The following CDC73 variants were observed in gnomAD, a reference collection of about 807,000 sequenced individuals.
CDC73 encodes the protein cell division cycle 73.
CDC73 carries 21 observed loss-of-function variants against 83.7 expected under a neutral mutation model. The ratio of observed to expected loss-of-function variants is 0.25; its 90% CI spans 0.18 to 0.36. The LOEUF (loss-of-function observed/expected upper bound fraction) is 0.36. Ranked by LOEUF, CDC73 falls within the 10% of genes least tolerant of loss-of-function variation. The probability of loss-of-function intolerance (pLI) is 1.00; values close to 1 mark genes in which losing one functional copy is unlikely to be tolerated. For missense variants in CDC73, 342 were observed against 653.3 expected (o/e 0.52, Z 5.19); for synonymous variants, 224 against 212.9 (o/e 1.05, Z -0.45).
chr1:193,252,731 AT>A lies in CDC73; in HGVS notation c.*2025del, dbSNP rs947493749. 30 of 231,442 alleles carry A rather than the reference AT, an allele frequency of 1.3e-4. No individual in the cohort carries two copies. Among genetic ancestry groups the A allele is most frequent in the Admixed American group, 1.1e-3 (20 of 17,698 alleles). The allele number at this position is 231,442 out of a possible 1,614,324, so 14.3% of individuals were successfully genotyped here. ...TCCATGTAATTAATTTCATTCCATT[AT>A]TTTTTAGCTGTTTATTCTAAAAAAC... is the stretch of plus-strand genomic sequence containing the variant. On this transcript the variant is annotated 3_prime_UTR_variant, in exon 17 of 17. Transcript: ENST00000367435.
chr1:193,191,513 G>A (rs1224704191), intron 10 of CDC73, among the ~76,000 whole-genome samples: 6 of 151,978 alleles, frequency 3.9e-5, no homozygotes, highest in African/African-American at 9.7e-5. Flanking sequence ...TCAGCCACCC[G>A]AGTAGCTGGG....
chr1:193,212,261 A>G (rs1465522191), intron 12 of CDC73, 129 bp from the exon 13 acceptor site: 4 of 848,234 alleles, frequency 4.7e-6, no homozygotes, highest in Non-Finnish European at 7.4e-6. Flanking sequence ...ATTTTTTAAT[A>G]TCCACTGGCT....
chr1:193,135,294 T>C, intron 3 of CDC73, 97 bp from the exon 4 acceptor site: 1 of 970,554 alleles, frequency 1.0e-6, no homozygotes, highest in East Asian at 2.6e-5. Context: ...AATCACCATA[T>C]AGAAGTATAT....
rs1676085709 is a variant in CDC73, at chr1:193,150,452, G to A, written c.907+70G>A. On this transcript the variant is annotated intron_variant, in intron 9 of 16. Transcript: ENST00000367435. ...AACTTGAGAGGCAGTGTGGCCTGATGTTTAAGGGTAAGGGTTGGCAAAGTA... is the reference window on the plus strand; with the variant it reads ...AACTTGAGAGGCAGTGTGGCCTGATATTTAAGGGTAAGGGTTGGCAAAGTA... The A allele has an allele frequency of 6.4e-6, 7 of 1,101,570 alleles. No homozygotes were observed. The South Asian group carries it at 8.7e-5, about 14-fold the overall frequency. The allele number at this position is 1,101,570 out of a possible 1,614,324, so 68.2% of individuals were successfully genotyped here. A position where few individuals can be genotyped will look rare whatever the true frequency, so the allele number is the denominator to read the frequency against.
chr1:193,214,616 G>A (rs1677332035), intron 13 of CDC73, among the ~76,000 whole-genome samples: 1 of 152,206 alleles, frequency 6.6e-6, no homozygotes, highest in South Asian at 2.1e-4. Context: ...CTACATGGGA[G>A]GCTGAGGCAG....
intron 3 of CDC73, among the ~76,000 whole-genome samples, chr1:193,131,076 G>GT (rs1372750225): frequency 6.6e-5 from 10 of 151,720 alleles, no homozygotes; most frequent in Non-Finnish European, 1.0e-4. Flanking sequence ...AATTTCAAGT[G>GT]TTTTTTTCAG....
intron 13 of CDC73, among the ~76,000 whole-genome samples, chr1:193,214,043 A>C (rs112769618): frequency 1.3e-5 from 2 of 152,064 alleles, no homozygotes; most frequent in Non-Finnish European, 1.5e-5. Flanking sequence ...TTTTCCCTCT[A>C]CTTTAACCTT....
chr1:193,227,614 G>C (rs2102053191), intron 13 of CDC73, among the ~76,000 whole-genome samples: 1 of 152,128 alleles, frequency 6.6e-6, no homozygotes, highest in Admixed American at 6.5e-5. Flanking sequence ...GAATAAAAAA[G>C]GTAAATTCAT....
chr1:193,171,295 T>C (rs936690693), intron 10 of CDC73, among the ~76,000 whole-genome samples: 1 of 152,198 alleles, frequency 6.6e-6, no homozygotes. Context: ...GCTTAAAACA[T>C]TCTCTTACAG....
At chr1:193,166,577 C>A (rs999130300) in intron 10 of CDC73, among the ~76,000 whole-genome samples, 3 of 152,072 alleles carry the variant, frequency 2.0e-5, no homozygotes, top group African/African-American at 7.2e-5. Flanking sequence ...GGCTTACAGG[C>A]CGATAGACAA....
chr1:193,129,487 A>AATTAATTT (rs142942063), intron 2 of CDC73, among the ~76,000 whole-genome samples: 2 of 142,790 alleles, frequency 1.4e-5, no homozygotes, highest in African/African-American at 5.2e-5. Context: ...TTCAAAAAGA[A>AATTAATTT]ATTTATTTAT....
intron 10 of CDC73, among the ~76,000 whole-genome samples, chr1:193,200,846 G>A (rs1677080352): frequency 6.6e-6 from 1 of 151,992 alleles, no homozygotes; most frequent in Non-Finnish European, 1.5e-5. Context: ...AGGGTGGTGG[G>A]GTTGATTTCT....
intron 11 of CDC73, among the ~76,000 whole-genome samples, chr1:193,204,958 A>G (rs1056871210): frequency 2.0e-5 from 3 of 152,148 alleles, no homozygotes; most frequent in African/African-American, 7.2e-5. Context: ...ATCTGTGTTG[A>G]ACACCTAAAA....
At chr1:193,224,754 G>T (rs1381516178) in intron 13 of CDC73, among the ~76,000 whole-genome samples, 1 of 152,030 alleles carries the variant, frequency 6.6e-6, no homozygotes, top group Non-Finnish European at 1.5e-5. Context: ...ATCTTACATG[G>T]TTTTATCAAA....
At chr1:193,140,332 A>G (rs1387695367) in intron 6 of CDC73, among the ~76,000 whole-genome samples, 1 of 152,128 alleles carries the variant, frequency 6.6e-6, no homozygotes, top group Non-Finnish European at 1.5e-5. Flanking sequence ...TGTAAGTAAA[A>G]ATTCTATGTT....
chr1:193,153,868 A>G (rs1396084388), intron 10 of CDC73, among the ~76,000 whole-genome samples: 1 of 152,134 alleles, frequency 6.6e-6, no homozygotes, highest in Admixed American at 6.6e-5. Context: ...TTCTCTCAGG[A>G]GGTAACAGTT....
intron 13 of CDC73, among the ~76,000 whole-genome samples, chr1:193,227,432 A>G (rs942787414): frequency 6.6e-6 from 1 of 151,818 alleles, no homozygotes; most frequent in South Asian, 2.1e-4. Context: ...AGGAGTTTGA[A>G]GTTTGAAACC....
At chr1:193,245,486 G>C (rs1677938402) in intron 15 of CDC73, among the ~76,000 whole-genome samples, 1 of 151,950 alleles carries the variant, frequency 6.6e-6, no homozygotes, top group Non-Finnish European at 1.5e-5. Flanking sequence ...GTATTTTATT[G>C]TGTACATGTA....
intron 11 of CDC73, among the ~76,000 whole-genome samples, chr1:193,208,594 G>T (rs1473176481): frequency 6.6e-6 from 1 of 151,814 alleles, no homozygotes; most frequent in East Asian, 1.9e-4. Flanking sequence ...CAAATCCATT[G>T]TTTTTTTTCT....
Sources: allele counts gnomAD v4.1 joint callset (sites outside exome capture counted in the v4.1 genomes callset), GRCh38; gene constraint gnomAD v4.1.1; transcripts MANE v1.5; gene names NCBI Gene and HGNC (gene_info 2026-07-23, HGNC 2026-07-21).